The following NEGR1 variants were observed in gnomAD, a reference collection of about 807,000 sequenced individuals.
NEGR1 encodes the protein IgLON family member 4.
NEGR1 carries 10 observed loss-of-function variants against 40.9 expected under a neutral mutation model. The ratio of observed to expected loss-of-function variants is 0.24; its 90% CI spans 0.15 to 0.42. NEGR1 has a LOEUF of 0.42. NEGR1 is among the 10% of genes least tolerant of loss of function. The pLI is 1.00. For synonymous variants in NEGR1, 185 were observed against 166.8 expected (o/e 1.11, Z -0.84); for missense variants, 352 against 438.9 (o/e 0.80, Z 1.77).
intron 1 of NEGR1, among the ~76,000 whole-genome samples, chr1:72,135,422 CAAAAA>C (rs71074820): frequency 9.8e-6 from 1 of 102,264 alleles, no homozygotes; most frequent in African/African-American, 3.6e-5. Context: ...AAAACAAAAC[CAAAAA>C]AAAAAAAAAA....
intron 6 of NEGR1, among the ~76,000 whole-genome samples, chr1:71,540,483 T>A (rs1296396052): frequency 6.6e-6 from 1 of 151,782 alleles, no homozygotes; most frequent in Non-Finnish European, 1.5e-5. Context: ...CTTCCTCATG[T>A]ATGATTATAG....
intron 1 of NEGR1, among the ~76,000 whole-genome samples, chr1:72,047,028 A>G (rs1045715660): frequency 1.3e-4 from 20 of 151,424 alleles, no homozygotes; most frequent in African/African-American, 4.8e-4. Context: ...AAGATTAACC[A>G]CCCTTTCCAT....
At chr1:71,709,936 A>G (rs1307503684) in intron 3 of NEGR1, among the ~76,000 whole-genome samples, 1 of 152,226 alleles carries the variant, frequency 6.6e-6, no homozygotes, top group Non-Finnish European at 1.5e-5. Context: ...GATACAGTCT[A>G]TGAGTTGAAG....
At chr1:71,778,636 G>A (rs1374076108) in intron 2 of NEGR1, among the ~76,000 whole-genome samples, 1 of 152,108 alleles carries the variant, frequency 6.6e-6, no homozygotes, top group Non-Finnish European at 1.5e-5. Flanking sequence ...ATAGAAGATA[G>A]TATATAGGGC....
At chr1:71,735,775 G>A (rs1174241541) in intron 3 of NEGR1, among the ~76,000 whole-genome samples, 1 of 151,898 alleles carries the variant, frequency 6.6e-6, no homozygotes, top group Non-Finnish European at 1.5e-5. Context: ...TCCATTCTCT[G>A]TGCTACTTTT....
intron 2 of NEGR1, among the ~76,000 whole-genome samples, chr1:71,894,197 A>G (rs1268434939): frequency 1.4e-5 from 2 of 146,684 alleles, no homozygotes; most frequent in Admixed American, 1.4e-4. Context: ...CAATGTGCAC[A>G]TGTACCCTAA....
rs923032908 is a variant in NEGR1 at position 71,563,959 on chromosome 1, G to GA, written c.940+28857dup. ...CAGAAGAGGCACACTGATCGGGGAG[G>GA]AAAAAAAAAAAGACCAACCTTCCAC... is the stretch of plus-strand genomic sequence containing the variant. On this transcript the variant is annotated intron_variant, in intron 6 of 6. Coordinates refer to ENST00000357731, the MANE Select transcript of NEGR1 (RefSeq NM_173808.3). 4.9e-3 allele frequency among the ~76,000 whole-genome samples: 696 copies of GA among 142,930 alleles called. 7 individuals carry two copies. The highest frequency in any genetic ancestry group is 0.016 in the African/African-American group (624 of 39,272). 93.8% of individuals were successfully genotyped at this position (142,930 alleles called of 152,430 possible). A position where few individuals can be genotyped will look rare whatever the true frequency, so the allele number is the denominator to read the frequency against.
At chr1:71,830,019 C>T (rs1658783969) in intron 2 of NEGR1, among the ~76,000 whole-genome samples, 1 of 151,886 alleles carries the variant, frequency 6.6e-6, no homozygotes, top group African/African-American at 2.4e-5. Context: ...GACACTAGCC[C>T]ATGACAAAAG....
At chr1:72,243,161 G>T (rs1185370053) in intron 1 of NEGR1, among the ~76,000 whole-genome samples, 2 of 151,564 alleles carry the variant, frequency 1.3e-5, no homozygotes, top group Non-Finnish European at 3.0e-5. Context: ...ATTAATGAGG[G>T]TAAGTCATAC....
chr1:71,972,561 G>A (rs1361298168), intron 1 of NEGR1, among the ~76,000 whole-genome samples: 2 of 151,980 alleles, frequency 1.3e-5, no homozygotes, highest in Non-Finnish European at 2.9e-5. Flanking sequence ...CTTTATTTAT[G>A]TTGCTTCTCT....
intron 4 of NEGR1, among the ~76,000 whole-genome samples, chr1:71,694,467 T>A (rs911110609): frequency 9.2e-5 from 14 of 151,770 alleles, no homozygotes; most frequent in African/African-American, 3.4e-4. Flanking sequence ...TCTTTCTATC[T>A]ATAGTAAGGC....
At chr1:71,952,453 G>T (rs1280989370) in intron 1 of NEGR1, among the ~76,000 whole-genome samples, 2 of 151,956 alleles carry the variant, frequency 1.3e-5, no homozygotes, top group Non-Finnish European at 2.9e-5. Context: ...GCTGAGAAAG[G>T]TGAGGAAGCT....
In NEGR1 at chr1:71,568,829, CGTGTGTGT is replaced by C. The variant is rs35692576; in HGVS notation, c.940+23980_940+23987del. Among the ~76,000 whole-genome samples the C allele has an allele frequency of 4.9e-3, 725 of 147,576 alleles. 11 individuals are homozygous for C. The highest frequency in any genetic ancestry group is 0.016 in the African/African-American group (661 of 40,338). The stretch of plus-strand genomic sequence containing the variant: ...GTGTGTGTATGTGTATATATGTATA[CGTGTGTGT>C]GTGTGTGTGTGTGTGTGTGTGTGTG... On this transcript the variant is annotated intron_variant, in intron 6 of 6. Transcript: ENST00000357731.
chr1:71,441,582 T>G (rs1646547402), intron 6 of NEGR1, among the ~76,000 whole-genome samples: 1 of 152,168 alleles, frequency 6.6e-6, no homozygotes, highest in Non-Finnish European at 1.5e-5. Flanking sequence ...AAATTTTACT[T>G]TTAGTGACAT....
At chr1:71,908,456 C>T (rs1027449397) in intron 2 of NEGR1, among the ~76,000 whole-genome samples, 1 of 152,010 alleles carries the variant, frequency 6.6e-6, no homozygotes, top group Non-Finnish European at 1.5e-5. Context: ...AGGCAGGGAC[C>T]CAACATGAGC....
chr1:71,486,113 G>A (rs946995560), intron 6 of NEGR1, among the ~76,000 whole-genome samples: 1 of 151,668 alleles, frequency 6.6e-6, no homozygotes, highest in African/African-American at 2.4e-5. Context: ...AGCATTTGGT[G>A]TTGTCAGTGT....
chr1:71,916,092 C>T (rs1383036110), intron 2 of NEGR1, among the ~76,000 whole-genome samples: 1 of 152,060 alleles, frequency 6.6e-6, no homozygotes, highest in Admixed American at 6.5e-5. Context: ...AAGAGAGGGG[C>T]AGAAGGATTG....
intron 1 of NEGR1, among the ~76,000 whole-genome samples, chr1:71,967,842 G>A (rs75984088): frequency 1.3e-5 from 2 of 152,166 alleles, no homozygotes; most frequent in African/African-American, 4.8e-5. Flanking sequence ...TGACTGGAGG[G>A]GAAGTGGTTG....
At chr1:72,281,016 C>A (rs1199727034) in intron 1 of NEGR1, among the ~76,000 whole-genome samples, 1 of 152,176 alleles carries the variant, frequency 6.6e-6, no homozygotes, top group African/African-American at 2.4e-5. Context: ...CTTTGCTGAT[C>A]ATCCATTTAT....
Sources: allele counts gnomAD v4.1 joint callset (sites outside exome capture counted in the v4.1 genomes callset), GRCh38; gene constraint gnomAD v4.1.1; transcripts MANE v1.5; gene names NCBI Gene and HGNC (gene_info 2026-07-23, HGNC 2026-07-21).